Variants in RTEL1 observed in about 807,000 individuals in gnomAD.
The protein encoded by RTEL1 is regulator of telomere elongation helicase 1.
In RTEL1, 86 loss-of-function variants were observed where a neutral mutation model predicts 162.2. That is an observed-to-expected ratio of 0.53 (90% CI 0.45 to 0.63). RTEL1 has a LOEUF of 0.63. Among genes scored for constraint, RTEL1 ranks in the 30% least tolerant of loss-of-function variants. The pLI, the probability that RTEL1 is intolerant of heterozygous loss-of-function variation, is 0.00. For missense variants in RTEL1, 1,941 were observed against 1,750.2 expected (o/e 1.11, Z -1.95); for synonymous variants, 958 against 717.9 (o/e 1.33, Z -5.35).
chr20:63,684,602 C>G (rs1392796429), intron 14 of RTEL1, among the ~76,000 whole-genome samples: 1 of 152,122 alleles, frequency 6.6e-6, no homozygotes, highest in African/African-American at 2.4e-5. Flanking sequence ...ATCCGCCTCC[C>G]AAAGTGCTGG....
chr20:63,691,035 C>A, intron 27 of RTEL1, 88 bp downstream of exon 27: 1 of 1,335,782 alleles, frequency 7.5e-7, no homozygotes, highest in Non-Finnish European at 1.0e-6. Context: ...GGCACCTCCC[C>A]ACACACCCCT....
chr20:63,681,203 C>A, intron 14 of RTEL1: 1 of 985,442 alleles, frequency 1.0e-6, no homozygotes, highest in Non-Finnish European at 1.2e-6. Context: ...CTCATTGGCC[C>A]CGTCCTGTCC....
intron 27 of RTEL1, 104 bp from the exon 28 acceptor site, chr20:63,691,638 G>C (rs2090747090): frequency 1.0e-5 from 10 of 992,716 alleles, no homozygotes; most frequent in Non-Finnish European, 1.6e-5. Context: ...CTCCATCTTG[G>C]CTCAGGGCTC....
At chr20:63,681,461 T>C (rs904953847) in intron 14 of RTEL1, 2 of 985,172 alleles carry the variant, frequency 2.0e-6, no homozygotes, top group Admixed American at 1.2e-4. Flanking sequence ...GCCCACGCTG[T>C]ACCTGCTGGC....
intron 14 of RTEL1, chr20:63,681,026 C>A: frequency 1.0e-6 from 1 of 985,406 alleles, no homozygotes; most frequent in Non-Finnish European, 1.2e-6. Context: ...CCAGGGGGGA[C>A]CCACTGCTGG....
intron 17 of RTEL1, 57 bp from the exon 18 acceptor site, chr20:63,687,880 G>C (rs2090632791): frequency 6.3e-7 from 1 of 1,597,258 alleles, no homozygotes; most frequent in Non-Finnish European, 8.5e-7. Flanking sequence ...CGGGCCTCGA[G>C]GGCTAAAGGG....
rs758734115 is a variant in RTEL1, at chr20:63,687,778, C to G, written c.1481+8C>G. 1 of 1,563,566 alleles carries G rather than the reference C, an allele frequency of 6.4e-7. No individual in the cohort carries two copies. Among genetic ancestry groups the G allele is most frequent in the African/African-American group, 1.4e-5 (1 of 73,910 alleles). ...TGCTCTGGAGATGCAGATGTACGGGCCACCCCTGCCAGGGCCTGAGCACCG... is the reference window on the plus strand; with the variant it reads ...TGCTCTGGAGATGCAGATGTACGGGGCACCCCTGCCAGGGCCTGAGCACCG... On this transcript the variant is annotated splice_region_variant and intron_variant, in intron 17 of 34. Transcript: ENST00000360203.
rs772044888 is a variant in RTEL1, at chr20:63,673,959, C to T, written c.785C>T (p.Ser262Leu). ...AHNVEKMCEE[S>L]ASFDLTPHDL... ...CTCTAGGAGAAGATGTGTGAAGAATCGGCATCCTTTGACCTGACTCCCCAT... is the reference window on the plus strand; with the variant it reads ...CTCTAGGAGAAGATGTGTGAAGAATTGGCATCCTTTGACCTGACTCCCCAT... The change falls in exon 10 of 35, where the codon TCG becomes TTG. Residue 262 changes from serine (S) to leucine (L), a missense_variant. Transcript: ENST00000360203. 3.6e-5 allele frequency: 58 copies of T among 1,612,528 alleles called. No homozygotes were observed. The highest frequency in any genetic ancestry group is 1.3e-4 in the East Asian group (6 of 44,876).
At chr20:63,667,083 C>T (rs1037686405) in intron 7 of RTEL1, among the ~76,000 whole-genome samples, 2 of 152,184 alleles carry the variant, frequency 1.3e-5, no homozygotes, top group South Asian at 2.1e-4. Flanking sequence ...TTGTGATCCG[C>T]CCACCTCGGC....
chr20:63,678,628 G>GAACAGCACACACACTCCCACA, intron 12 of RTEL1, among the ~76,000 whole-genome samples: 1 of 133,662 alleles, frequency 7.5e-6, no homozygotes, highest in South Asian at 2.5e-4. Flanking sequence ...ACACTCCCAC[G>GAACAGCACACACACTCCCACA]AACAGCACAC....
At position 63,674,071 on chromosome 20, in the gene RTEL1, C is replaced by G. The variant is rs774447336; in HGVS notation, c.897C>G (p.Phe299Leu). The change falls in exon 10 of 35, where the codon TTC becomes TTG. Residue 299 changes from phenylalanine to leucine, a missense_variant. By Grantham distance (22) the Phe-to-Leu change is conservative. Transcript: ENST00000360203. ...AGCAGGGTGAGCCCCACCCGGAGTT[C>G]AGCGCGGACTCCCCCAGCCCAGGTG... The part of the protein sequence containing the change: ...AAQQGEPHPE[F>L]SADSPSPGLN... 2 of 1,612,978 alleles carry G rather than the reference C, an allele frequency of 1.2e-6. No homozygotes were observed. Among genetic ancestry groups the G allele is most frequent in the East Asian group, 4.5e-5 (2 of 44,862 alleles).
rs1568720820 is a variant in RTEL1, at chr20:63,693,549, ACCACCT to A, written c.2992+278_2992+283del. Among the ~76,000 whole-genome samples, 45 of 14,496 alleles carry A rather than the reference ACCACCT, an allele frequency of 3.1e-3. 1 individual carries two copies. The highest frequency in any genetic ancestry group is 8.2e-3 in the East Asian group (6 of 732). 9.5% of individuals were successfully genotyped at this position (14,496 alleles called of 152,430 possible). ...CACCTCCACCACCACCACCACCACC[ACCACCT>A]CCACCTCCACCACCTCCACCTCCAC... is the stretch of plus-strand genomic sequence containing the variant. On this transcript the variant is annotated intron_variant, in intron 30 of 34. Coordinates refer to ENST00000360203, the MANE Select transcript of RTEL1 (RefSeq NM_001283009.2).
In RTEL1 at chr20:63,661,620, T is replaced by C; in HGVS notation, c.301+124T>C. The C allele has an allele frequency of 9.2e-7, 1 of 1,087,286 alleles. No homozygotes were observed. The highest frequency in any genetic ancestry group is 1.3e-6 in the Non-Finnish European group (1 of 766,140). 67.4% of individuals were successfully genotyped at this position (1,087,286 alleles called of 1,614,324 possible). On this transcript the variant is annotated intron_variant, in intron 3 of 34. Transcript: ENST00000360203. This position sits in a 1 kb window ranked among gnomAD's most constrained non-coding sequence, Gnocchi z 5.1. The stretch of plus-strand genomic sequence containing the variant: ...CTCAAGCAGAACTCAAGGAGAATTT[T>C]TTAGCTGCTGTATAATTTCTCGCCA...
At chr20:63,659,197 G>T in intron 1 of RTEL1, 36 bp from the exon 2 acceptor site, 1 of 585,764 alleles carries the variant, frequency 1.7e-6, no homozygotes, top group South Asian at 1.9e-5. Flanking sequence ...TACCCACAAA[G>T]GCTGTCTACA....
At chr20:63,677,994 T>C (rs2090390181) in intron 10 of RTEL1, 151 bp from the exon 11 acceptor site, 6 of 817,006 alleles carry the variant, frequency 7.3e-6, no homozygotes, top group African/African-American at 6.8e-5. Flanking sequence ...TTCCTTCCCA[T>C]GTTGGTGGAT....
Position 63,674,036 on chromosome 20 carries a change from A to G in RTEL1, c.862A>G (p.Lys288Glu). ...VIDQVLEEQT[K>E]AAQQGEPHPE... ...AGACCAGGTGCTGGAGGAGCAGACC[A>G]AGGCAGCGCAGCAGGGTGAGCCCCA... The change falls in exon 10 of 35, where the codon AAG (lysine) becomes GAG (glutamate). Residue 288 changes from lysine (K) to glutamate (E), a missense_variant. Coordinates refer to ENST00000360203, the MANE Select transcript of RTEL1 (RefSeq NM_001283009.2). 6.2e-7 allele frequency: 1 copy of G among 1,613,580 alleles called. No individual in the cohort carries two copies. The highest frequency in any genetic ancestry group is 1.1e-5 in the South Asian group (1 of 91,080).
At chr20:63,691,957 A>G (rs1825846555) in intron 28 of RTEL1, 120 bp downstream of exon 28, 1 of 719,898 alleles carries the variant, frequency 1.4e-6, no homozygotes, top group South Asian at 1.6e-5. Context: ...CCAGGAGCTG[A>G]TGTCCAGGGC....
At chr20:63,667,446 A>T in intron 7 of RTEL1, 23 bp from the exon 8 acceptor site, 1 of 1,596,422 alleles carries the variant, frequency 6.3e-7, no homozygotes, top group Non-Finnish European at 8.6e-7. Flanking sequence ...TGCTCACAGG[A>T]TCTTCTCCTC....
At chr20:63,669,351 T>C (rs563446798) in intron 8 of RTEL1, among the ~76,000 whole-genome samples, 12 of 152,320 alleles carry the variant, frequency 7.9e-5, no homozygotes, top group African/African-American at 2.9e-4. Context: ...GGGAGGTCTT[T>C]GCAACTTTGG....
Sources: gnomAD v4.1 joint callset for allele counts (sites outside exome capture counted in the v4.1 genomes callset) on GRCh38, gnomAD v4.1.1 for gene constraint, Gnocchi (gnomAD v3.1) non-coding constraint, MANE v1.5 for transcripts, NCBI Gene and HGNC (gene_info 2026-07-23, HGNC 2026-07-21) for gene names.